Variants in ANKFY1 observed in about 807,000 individuals in gnomAD.
ANKFY1 encodes ankyrin repeat and FYVE domain-containing protein 1.
Under a neutral mutation model 128.3 loss-of-function variants are expected in ANKFY1, and 47 were observed. That is an observed-to-expected ratio of 0.37 (90% CI 0.29 to 0.47). ANKFY1 has a LOEUF of 0.47. ANKFY1 is among the 20% of genes least tolerant of loss of function. ANKFY1 has a pLI of 1.00. For missense variants in ANKFY1, 1,222 were observed against 1,510.6 expected, an observed-to-expected ratio of 0.81 and a Z score of 3.17; for synonymous variants, 553 against 601.6, an observed-to-expected ratio of 0.92 and a Z score of 1.18.
At chr17:4,177,577 T>C (rs2059431559) in intron 18 of ANKFY1, among the ~76,000 whole-genome samples, 1 of 152,080 alleles carries the variant, frequency 6.6e-6, no homozygotes, top group East Asian at 1.9e-4. Context: ...AGGAACTGGA[T>C]GTGGAAAACC....
intron 3 of ANKFY1, among the ~76,000 whole-genome samples, chr17:4,234,499 T>C (rs1966860124): frequency 6.6e-6 from 1 of 152,234 alleles, no homozygotes; most frequent in East Asian, 1.9e-4. Context: ...AATGTAGCTA[T>C]TAATTTTTTC....
At chr17:4,171,593 A>G (rs1202965947) in intron 22 of ANKFY1, among the ~76,000 whole-genome samples, 11 of 152,172 alleles carry the variant, frequency 7.2e-5, no homozygotes. Context: ...ATCTGCACAC[A>G]GGTCTCTGTA....
intron 4 of ANKFY1, among the ~76,000 whole-genome samples, chr17:4,212,489 G>A (rs1446640371): frequency 1.3e-5 from 2 of 152,250 alleles, no homozygotes; most frequent in Non-Finnish European, 2.9e-5. Context: ...CTTGAGGTAT[G>A]TAGTAAATAT....
rs1412445360 is a variant in ANKFY1, at chr17:4,165,133, G to A, written c.*2646C>T. On this transcript the variant is annotated 3_prime_UTR_variant, in exon 25 of 25. Coordinates refer to ENST00000341657, the MANE Select transcript of ANKFY1 (RefSeq NM_001330063.2). ...AGAGGATCATAGCAAATTAGTTTAAGCCATTCGATTTATATATAGCACATG... is the reference window on the plus strand; with the variant it reads ...AGAGGATCATAGCAAATTAGTTTAAACCATTCGATTTATATATAGCACATG... 6.6e-6 allele frequency: 1 copy of A among 152,166 alleles called. No individual in the cohort carries two copies. The highest frequency in any genetic ancestry group is 2.4e-5 in the African/African-American group (1 of 41,430). 9.4% of individuals were successfully genotyped at this position (152,166 alleles called of 1,614,324 possible).
chr17:4,246,404 A>T (rs1347948519), intron 1 of ANKFY1, among the ~76,000 whole-genome samples: 1 of 152,206 alleles, frequency 6.6e-6, no homozygotes, highest in Non-Finnish European at 1.5e-5. Context: ...TCTACGAGAA[A>T]TACAAATAAT....
intron 1 of ANKFY1, 34 bp from the exon 2 acceptor site, chr17:4,242,482 G>A (rs369968249): frequency 1.3e-6 from 2 of 1,495,864 alleles, no homozygotes; most frequent in Non-Finnish European, 1.8e-6. Context: ...GTTCACCGTG[G>A]CTGCTGGAAA....
chr17:4,187,982 A>T (rs995951265), intron 11 of ANKFY1: 2 of 152,266 alleles, frequency 1.3e-5, no homozygotes, highest in Non-Finnish European at 2.9e-5. Flanking sequence ...ATTTTAAGTT[A>T]GGAGATAGTA....
At chr17:4,226,150 T>C (rs1324408847) in intron 3 of ANKFY1, among the ~76,000 whole-genome samples, 2 of 152,182 alleles carry the variant, frequency 1.3e-5, no homozygotes, top group East Asian at 3.8e-4. Flanking sequence ...AAAAATTATA[T>C]GCAGAAAAAC....
chr17:4,208,810 T>A (rs1326291917), intron 5 of ANKFY1, among the ~76,000 whole-genome samples: 2 of 152,084 alleles, frequency 1.3e-5, no homozygotes, highest in African/African-American at 4.8e-5. Flanking sequence ...CTCCCAGCAC[T>A]TTGGGAGGCC....
intron 1 of ANKFY1, among the ~76,000 whole-genome samples, chr17:4,251,610 CAAAGAT>C (rs1174759932): frequency 7.0e-6 from 1 of 143,542 alleles, no homozygotes; most frequent in Non-Finnish European, 1.5e-5. Context: ...TCAGATTAAA[CAAAGAT>C]AAACTGTTAA....
chr17:4,258,710 T>C (rs1185884662), intron 1 of ANKFY1, among the ~76,000 whole-genome samples: 1 of 152,154 alleles, frequency 6.6e-6, no homozygotes, highest in Non-Finnish European at 1.5e-5. Flanking sequence ...GTACTTGGAA[T>C]AGGACTAGTA....
chr17:4,248,715 G>C (rs2143463403), intron 1 of ANKFY1, among the ~76,000 whole-genome samples: 1 of 152,298 alleles, frequency 6.6e-6, no homozygotes, highest in Non-Finnish European at 1.5e-5. Flanking sequence ...TAGTCCCAGA[G>C]ATGATGCCAC....
intron 17 of ANKFY1, 94 bp from the exon 18 acceptor site, chr17:4,179,151 T>G: frequency 1.5e-6 from 2 of 1,372,092 alleles, no homozygotes; most frequent in East Asian, 4.6e-5. Flanking sequence ...ATTTCAGTTA[T>G]GAGAATCGAT....
At chr17:4,245,770 C>T (rs1438174141) in intron 1 of ANKFY1, among the ~76,000 whole-genome samples, 2 of 148,604 alleles carry the variant, frequency 1.3e-5, no homozygotes, top group African/African-American at 5.0e-5. Flanking sequence ...AACAACCAGC[C>T]AGGTCTGGTG....
In ANKFY1 at chr17:4,189,276, T is replaced by G. The variant is rs2059667967; in HGVS notation, c.1470+106A>C. ...TAACCATATGCATGTATTATTCTGA[T>G]TAAAAACTGAAAAAAACCACCTATT... On this transcript the variant is annotated intron_variant, in intron 11 of 24. Coordinates refer to ENST00000341657, the MANE Select transcript of ANKFY1 (RefSeq NM_001330063.2). 3.4e-6 allele frequency: 3 copies of G among 890,256 alleles called. 1 individual carries two copies. The African/African-American group carries it at 5.0e-5, about 15-fold the overall frequency. The allele number at this position is 890,256 out of a possible 1,614,324, so 55.1% of individuals were successfully genotyped here. A position where few individuals can be genotyped will look rare whatever the true frequency, so the allele number is the denominator to read the frequency against.
intron 10 of ANKFY1, among the ~76,000 whole-genome samples, chr17:4,193,153 T>C (rs1351024797): frequency 3.9e-5 from 6 of 152,200 alleles, no homozygotes; most frequent in African/African-American, 1.4e-4. Context: ...TTAATGCACA[T>C]AGAGAATGCT....
chr17:4,261,211 G>A (rs981625400), intron 1 of ANKFY1, among the ~76,000 whole-genome samples: 10 of 152,204 alleles, frequency 6.6e-5, no homozygotes, highest in African/African-American at 2.4e-4. Context: ...GTGGCCGGCC[G>A]GGTGTGGTGG....
intron 3 of ANKFY1, among the ~76,000 whole-genome samples, chr17:4,232,139 C>T (rs1275524482): frequency 2.0e-5 from 3 of 152,082 alleles, no homozygotes; most frequent in Non-Finnish European, 4.4e-5. Flanking sequence ...AAACAAAACA[C>T]CAATAAATTC....
intron 12 of ANKFY1, 108 bp from the exon 13 acceptor site, chr17:4,184,018 A>G: frequency 2.3e-6 from 2 of 859,968 alleles, no homozygotes; most frequent in Non-Finnish European, 1.9e-6. Flanking sequence ...TAATATGATC[A>G]ATGCTATAAA....
Sources: allele counts gnomAD v4.1 joint callset (sites outside exome capture counted in the v4.1 genomes callset), GRCh38; gene constraint gnomAD v4.1.1; transcripts MANE v1.5; gene names NCBI Gene and HGNC (gene_info 2026-07-23, HGNC 2026-07-21).